ZNF723: variants seen among roughly 807,000 people sequenced by gnomAD.
ZNF723 encodes the protein zinc finger protein 723.
ZNF723 carries 5 observed loss-of-function variants against 9.4 expected under a neutral mutation model. The observed-to-expected ratio is 0.53, with a 90% CI of 0.28 to 1.12. The LOEUF (loss-of-function observed/expected upper bound fraction) is 1.12. Among genes scored for constraint, ZNF723 ranks in the 50% most tolerant of loss-of-function variants. The pLI is 0.10. For synonymous variants in ZNF723, 158 were observed against 168.8 expected, an observed-to-expected ratio of 0.94 and a Z score of 0.49; for missense variants, 450 against 501.5, an observed-to-expected ratio of 0.90 and a Z score of 0.98.
chr19:22,821,421 G>A, the ZNF723 span, among the ~76,000 whole-genome samples: 1 of 152,166 alleles, frequency 6.6e-6, no homozygotes, highest in Middle Eastern at 3.4e-3. Context: ...ATTCTCTCCT[G>A]CCTGGGCCCT....
At chr19:22,846,878 A>G (rs903518936) in intron 1 of ZNF723, among the ~76,000 whole-genome samples, 1 of 111,418 alleles carries the variant, frequency 9.0e-6, no homozygotes, top group African/African-American at 3.6e-5. Flanking sequence ...TGCTGGGATT[A>G]CAGGCATGAG....
intron 3 of ZNF723, among the ~76,000 whole-genome samples, chr19:22,852,360 A>T (rs1967409881): frequency 1.3e-5 from 2 of 152,178 alleles, no homozygotes; most frequent in African/African-American, 4.8e-5. Flanking sequence ...ACAATATTAA[A>T]GTCTGTACAA....
At chr19:22,844,473 C>T (rs536398589) in intron 1 of ZNF723, among the ~76,000 whole-genome samples, 1 of 152,238 alleles carries the variant, frequency 6.6e-6, no homozygotes, top group African/African-American at 2.4e-5. Context: ...AGTACCAAAT[C>T]GCAGTGTGTT....
chr19:22,824,380 C>T, the ZNF723 span, among the ~76,000 whole-genome samples: 5 of 151,956 alleles, frequency 3.3e-5, no homozygotes, highest in African/African-American at 1.2e-4. Context: ...ATATTCCTGT[C>T]CTAGCATCCA....
At chr19:22,847,035 ATTT>A (rs142337015) in intron 1 of ZNF723, among the ~76,000 whole-genome samples, 27 of 137,316 alleles carry the variant, frequency 2.0e-4, no homozygotes, top group Admixed American at 9.6e-4. Context: ...TCTCTGACAG[ATTT>A]TTTTTTTTTT....
the ZNF723 span, among the ~76,000 whole-genome samples, chr19:22,813,839 T>C: frequency 2.0e-5 from 3 of 148,642 alleles, no homozygotes; most frequent in African/African-American, 7.5e-5. Context: ...TGAGATGGAG[T>C]GTTGCTCTGT....
At chr19:22,823,042 G>C in the ZNF723 span, among the ~76,000 whole-genome samples, 16 of 152,284 alleles carry the variant, frequency 1.1e-4, no homozygotes, top group African/African-American at 3.8e-4. Context: ...ACTCACTTCT[G>C]TATCCAACTC....
intron 1 of ZNF723, among the ~76,000 whole-genome samples, chr19:22,844,208 A>T (rs1967280801): frequency 6.6e-6 from 1 of 152,178 alleles, no homozygotes; most frequent in East Asian, 1.9e-4. Flanking sequence ...TTTCTATTAA[A>T]TCAGTGCTTG....
intron 1 of ZNF723, among the ~76,000 whole-genome samples, chr19:22,846,234 G>T (rs1037293370): frequency 7.9e-5 from 12 of 152,116 alleles, no homozygotes; most frequent in Non-Finnish European, 1.3e-4. Context: ...GGAAAAGCTG[G>T]TATCCTTAGT....
At chr19:22,845,076 G>A (rs559851753) in intron 1 of ZNF723, among the ~76,000 whole-genome samples, 18 of 152,250 alleles carry the variant, frequency 1.2e-4, no homozygotes, top group African/African-American at 9.6e-5. Context: ...CCGATATCAC[G>A]CCACTGCACT....
At chr19:22,840,204 G>A (rs1382131211) in intron 1 of ZNF723, among the ~76,000 whole-genome samples, 2 of 151,204 alleles carry the variant, frequency 1.3e-5, no homozygotes, top group Admixed American at 1.3e-4. Flanking sequence ...ACGGAGTTTC[G>A]CTCATTGCCC....
the ZNF723 span, among the ~76,000 whole-genome samples, chr19:22,817,291 CTGGGCCCTA>C: frequency 6.6e-6 from 1 of 152,146 alleles, no homozygotes; most frequent in African/African-American, 2.4e-5. Flanking sequence ...CTTCTATTGC[CTGGGCCCTA>C]CATATTTTGG....
chr19:22,858,191 T>C lies in ZNF723; in HGVS notation c.1300T>C (p.Phe434Leu). The C allele has an allele frequency of 7.2e-7, 1 of 1,389,960 alleles. No homozygotes were observed. Among genetic ancestry groups the C allele is most frequent in the Non-Finnish European group, 1.0e-6 (1 of 978,726 alleles). 86.1% of individuals were successfully genotyped at this position (1,389,960 alleles called of 1,614,324 possible). Reference protein sequence around the residue: ...PYKCKQCGKGFSQSSTLTKHK... With the variant: ...PYKCKQCGKGLSQSSTLTKHK... ...CAAATGTAAACAATGTGGTAAAGGTTTTAGCCAATCCTCAACCCTTACTAA... is the reference window on the plus strand; with the variant it reads ...CAAATGTAAACAATGTGGTAAAGGTCTTAGCCAATCCTCAACCCTTACTAA... Residue 434 changes from phenylalanine to leucine, a missense_variant, in exon 4 of 4, where the codon TTT becomes CTT. Physicochemically the swap from Phe to Leu is conservative, Grantham distance 22. This residue lies in a region of ZNF723 where 237 missense variants were observed against 332.2 expected (regional missense o/e 0.71). Coordinates refer to ENST00000600766, the MANE Select transcript of ZNF723 (RefSeq NM_001349726.2).
At chr19:22,849,953 T>G (rs1433388231) in intron 3 of ZNF723, among the ~76,000 whole-genome samples, 1 of 152,176 alleles carries the variant, frequency 6.6e-6, no homozygotes, top group African/African-American at 2.4e-5. Flanking sequence ...AAACTGTTTT[T>G]CATGTTTTCT....
intron 3 of ZNF723, among the ~76,000 whole-genome samples, chr19:22,851,226 C>T (rs185330482): frequency 1.1e-4 from 17 of 151,968 alleles, no homozygotes; most frequent in Admixed American, 7.2e-4. Flanking sequence ...GGCTGGAGCG[C>T]GGTGGCACGA....
chr19:22,822,546 A>G, the ZNF723 span, among the ~76,000 whole-genome samples: 2 of 152,162 alleles, frequency 1.3e-5, no homozygotes, highest in Non-Finnish European at 2.9e-5. Flanking sequence ...GAGTGTCATA[A>G]CAGTTTCCAG....
chr19:22,813,639 G>C, the ZNF723 span, among the ~76,000 whole-genome samples: 1 of 151,720 alleles, frequency 6.6e-6, no homozygotes, highest in East Asian at 2.0e-4. Context: ...TGCTTGGGAG[G>C]CTGAGGCAGG....
At position 22,857,675 on chromosome 19, in the gene ZNF723, T is replaced by G; in HGVS notation, c.784T>G (p.Cys262Gly). 3.1e-6 allele frequency: 4 copies of G among 1,274,490 alleles called. No individual in the cohort carries two copies. The highest frequency in any genetic ancestry group is 4.6e-6 in the Non-Finnish European group (4 of 871,002). 78.9% of individuals were successfully genotyped at this position (1,274,490 alleles called of 1,614,324 possible). The change falls in exon 4 of 4, where the codon TGT becomes GGT. Residue 262 changes from cysteine to glycine, a missense_variant. This residue lies in a region of ZNF723 where 237 missense variants were observed against 332.2 expected (regional missense o/e 0.71). Coordinates refer to ENST00000600766, the MANE Select transcript of ZNF723 (RefSeq NM_001349726.2). The part of the protein sequence containing the change: ...TGEKPYKCEE[C>G]GKTFNMFSSL... ...AGAGAAACCCTACAAATGTGAAGAATGTGGCAAAACCTTTAATATGTTCTC... is the reference window on the plus strand; with the variant it reads ...AGAGAAACCCTACAAATGTGAAGAAGGTGGCAAAACCTTTAATATGTTCTC...
the ZNF723 span, among the ~76,000 whole-genome samples, chr19:22,826,772 A>G: frequency 6.6e-6 from 1 of 152,244 alleles, no homozygotes; most frequent in Non-Finnish European, 1.5e-5. Flanking sequence ...TCTACGAACA[A>G]CAGAAATAAA....
Sources: gnomAD v4.1 joint callset for allele counts (sites outside exome capture counted in the v4.1 genomes callset) on GRCh38, gnomAD v4.1.1 for gene constraint, gnomAD v4.1.1 regional missense constraint, MANE v1.5 for transcripts, NCBI Gene and HGNC (gene_info 2026-07-23, HGNC 2026-07-21) for gene names.